The following TSPAN11 variants were observed in gnomAD, a reference collection of about 807,000 sequenced individuals.
The protein encoded by TSPAN11 is tetraspanin-11.
Under a neutral mutation model 32.9 loss-of-function variants are expected in TSPAN11, and 29 were observed. The ratio of observed to expected loss-of-function variants is 0.88; its 90% CI spans 0.66 to 1.20. The LOEUF (loss-of-function observed/expected upper bound fraction) is 1.20. Ranked by LOEUF, TSPAN11 falls within the 50% of genes most tolerant of loss-of-function variation. The probability of loss-of-function intolerance (pLI) is 0.00; values close to 1 mark genes in which losing one functional copy is unlikely to be tolerated. For missense variants in TSPAN11, 283 were observed against 329.1 expected (o/e 0.86, Z 1.08); for synonymous variants, 140 against 141.3 (o/e 0.99, Z 0.07).
At chr12:30,955,758 T>C (rs1418088404) in intron 2 of TSPAN11, among the ~76,000 whole-genome samples, 1 of 152,192 alleles carries the variant, frequency 6.6e-6, no homozygotes, top group Non-Finnish European at 1.5e-5. Context: ...CCAAGGCCTC[T>C]GTCATCACAC....
chr12:30,972,017 T>C (rs528379655), intron 3 of TSPAN11, among the ~76,000 whole-genome samples: 13 of 152,350 alleles, frequency 8.5e-5, no homozygotes, highest in African/African-American at 3.1e-4. Flanking sequence ...TTGGATCCCA[T>C]TCTATGCTTA....
intron 1 of TSPAN11, among the ~76,000 whole-genome samples, chr12:30,943,134 G>C (rs111753444): frequency 0.014 from 2,114 of 152,302 alleles, 26 homozygotes; most frequent in Non-Finnish European, 0.021. Flanking sequence ...TTCCCTTAAG[G>C]GTCGGAGAAC....
At chr12:30,931,188 C>G (rs1216249316) in intron 1 of TSPAN11, among the ~76,000 whole-genome samples, 1 of 151,948 alleles carries the variant, frequency 6.6e-6, no homozygotes, top group East Asian at 1.9e-4. Flanking sequence ...TTTTGTCAGC[C>G]AAACTTCAAT....
chr12:30,986,885 C>T (rs1939210942), intron 7 of TSPAN11: 1 of 152,172 alleles, frequency 6.6e-6, no homozygotes, highest in African/African-American at 2.4e-5. Context: ...CGAAAAGTCT[C>T]CAGGAGCGGG....
Position 30,965,509 on chromosome 12 carries a change from C to A in TSPAN11, c.276+1492C>A, listed in dbSNP as rs563937884. ...CATCTGTCCTGCTTCTGTGGAGCCACTGAAGGCCAGTGGTCCCCTGCAGCA... is the reference window on the plus strand; with the variant it reads ...CATCTGTCCTGCTTCTGTGGAGCCAATGAAGGCCAGTGGTCCCCTGCAGCA... On this transcript the variant is annotated intron_variant, in intron 3 of 7. Coordinates refer to ENST00000546076, the MANE Select transcript of TSPAN11 (RefSeq NM_001370302.1). Among the ~76,000 whole-genome samples, 4 of 152,128 alleles carry A rather than the reference C, an allele frequency of 2.6e-5. No individual in the cohort carries two copies. The South Asian group carries it at 8.3e-4, about 32-fold the overall frequency.
Position 30,926,924 on chromosome 12 carries a change from C to A in TSPAN11, c.-12+128C>A. 2.3e-6 allele frequency: 3 copies of A among 1,281,994 alleles called. No homozygotes were observed. The South Asian group carries it at 3.7e-5, about 16-fold the overall frequency. The allele number at this position is 1,281,994 out of a possible 1,614,324, so 79.4% of individuals were successfully genotyped here. On this transcript the variant is annotated intron_variant, in intron 1 of 7. Coordinates refer to ENST00000546076, the MANE Select transcript of TSPAN11 (RefSeq NM_001370302.1). ...GAGCTAGACTGTCCCGAGCTTCCCC[C>A]GGGCGGGCAGAGGGAAGCCGGCTGG...
intron 7 of TSPAN11, among the ~76,000 whole-genome samples, chr12:30,984,969 G>A (rs1199627506): frequency 2.6e-5 from 4 of 152,118 alleles, no homozygotes; most frequent in South Asian, 2.1e-4. Context: ...TTGCTTTCCC[G>A]AACTCCCTAC....
chr12:30,927,872 T>G (rs1449741635), intron 1 of TSPAN11, among the ~76,000 whole-genome samples: 3 of 152,146 alleles, frequency 2.0e-5, no homozygotes, highest in Admixed American at 6.5e-5. Flanking sequence ...AAAATGGGAC[T>G]AATAACCACT....
chr12:30,953,898 G>A, intron 1 of TSPAN11, 83 bp from the exon 2 acceptor site: 1 of 995,310 alleles, frequency 1.0e-6, no homozygotes, highest in Non-Finnish European at 1.5e-6. Flanking sequence ...TTTGAAGGGA[G>A]CCTTGCCAAG....
At chr12:30,989,970 C>T (rs1203034831) in intron 7 of TSPAN11, among the ~76,000 whole-genome samples, 1 of 152,208 alleles carries the variant, frequency 6.6e-6, no homozygotes, top group Non-Finnish European at 1.5e-5. Context: ...ACCTCCAGCA[C>T]CTGCGGTTAG....
chr12:30,986,504 G>T (rs999037414), intron 7 of TSPAN11, among the ~76,000 whole-genome samples: 1 of 152,182 alleles, frequency 6.6e-6, no homozygotes, highest in East Asian at 1.9e-4. Flanking sequence ...TCCCCTCACT[G>T]CCCTTGGTGG....
rs963392191 is a variant in TSPAN11, at chr12:30,992,213, C to T, written c.*298C>T. On this transcript the variant is annotated 3_prime_UTR_variant, in exon 8 of 8. Coordinates refer to ENST00000546076, the MANE Select transcript of TSPAN11 (RefSeq NM_001370302.1). ...CAGGAACGGGGGCACCCGTGGACTA[C>T]GGGAGGGTGGCGGTTGGGTTCTCTG... 7 of 476,180 alleles carry T rather than the reference C, an allele frequency of 1.5e-5. No individual in the cohort carries two copies. The highest frequency in any genetic ancestry group is 3.6e-5 in the East Asian group (1 of 28,152). 29.5% of individuals were successfully genotyped at this position (476,180 alleles called of 1,614,324 possible).
intron 1 of TSPAN11, among the ~76,000 whole-genome samples, chr12:30,950,948 AC>A (rs1428215131): frequency 6.6e-6 from 1 of 152,256 alleles, no homozygotes; most frequent in Non-Finnish European, 1.5e-5. Context: ...TTTCTTTACA[AC>A]CTATAAAATA....
At chr12:30,988,240 A>G (rs1401977779) in intron 7 of TSPAN11, among the ~76,000 whole-genome samples, 3 of 152,214 alleles carry the variant, frequency 2.0e-5, no homozygotes, top group Admixed American at 6.5e-5. Flanking sequence ...GAAAGGCCTT[A>G]CAGACTACCT....
chr12:30,931,761 T>A (rs11051169), intron 1 of TSPAN11, among the ~76,000 whole-genome samples: 50,363 of 150,794 alleles, frequency 0.33, 8,845 homozygotes, highest in Non-Finnish European at 0.39. Flanking sequence ...GTGCCTGTAA[T>A]CCCAGCTACT....
chr12:30,980,617 A>G (rs1399222618), intron 5 of TSPAN11, among the ~76,000 whole-genome samples: 2 of 151,390 alleles, frequency 1.3e-5, no homozygotes, highest in Non-Finnish European at 2.9e-5. Context: ...GAGGTAGTAG[A>G]TGTGGGGAGC....
intron 3 of TSPAN11, among the ~76,000 whole-genome samples, chr12:30,969,923 T>C (rs1938814836): frequency 6.6e-6 from 1 of 152,162 alleles, no homozygotes; most frequent in South Asian, 2.1e-4. Flanking sequence ...TAAATTTGTA[T>C]TGGATTTGGT....
chr12:31,013,291 A>G, the TSPAN11 span, among the ~76,000 whole-genome samples: 1 of 152,218 alleles, frequency 6.6e-6, no homozygotes, highest in Admixed American at 6.5e-5. Context: ...CCCAGGGAGA[A>G]GGTGCAGAGA....
At chr12:30,949,817 G>A (rs150017367) in intron 1 of TSPAN11, among the ~76,000 whole-genome samples, 197 of 152,248 alleles carry the variant, frequency 1.3e-3, no homozygotes, top group Non-Finnish European at 2.0e-3. Context: ...GAAAGTGAGC[G>A]CTTGCTAGTC....
Sources: gnomAD v4.1 joint callset for allele counts (sites outside exome capture counted in the v4.1 genomes callset) on GRCh38, gnomAD v4.1.1 for gene constraint, MANE v1.5 for transcripts, NCBI Gene and HGNC (gene_info 2026-07-23, HGNC 2026-07-21) for gene names.